PLCH1: variants seen among roughly 807,000 people sequenced by gnomAD.
The protein encoded by PLCH1 is 1-phosphatidylinositol 4,5-bisphosphate phosphodiesterase eta-1.
PLCH1 carries 60 observed loss-of-function variants against 126.7 expected under a neutral mutation model. The observed-to-expected ratio is 0.47, with a 90% CI of 0.38 to 0.59. PLCH1 has a LOEUF of 0.59. Ranked by LOEUF, PLCH1 falls within the 20% of genes least tolerant of loss-of-function variation. The pLI is 0.00. For missense variants in PLCH1, 1,723 were observed against 2,040.0 expected (o/e 0.84, Z 2.99); for synonymous variants, 719 against 734.9 (o/e 0.98, Z 0.35).
At chr3:155,459,766 G>A (rs1712640802) in intron 21 of PLCH1, among the ~76,000 whole-genome samples, 1 of 152,176 alleles carries the variant, frequency 6.6e-6, no homozygotes, top group East Asian at 1.9e-4. Flanking sequence ...CCAGGTGGAT[G>A]TAATGACCAT....
At chr3:155,721,810 A>T (rs1219930201) in intron 1 of PLCH1, among the ~76,000 whole-genome samples, 1 of 152,112 alleles carries the variant, frequency 6.6e-6, no homozygotes, top group Non-Finnish European at 1.5e-5. Context: ...CACTTTGGGA[A>T]GCCAAGGTGG....
rs553645413 is a variant in PLCH1 at position 155,485,643 on chromosome 3, T to C, written c.2687A>G (p.Asn896Ser). The change falls in exon 22 of 23, where the codon AAT becomes AGT. Residue 896 changes from asparagine to serine, a missense_variant. By Grantham distance (46) the Asn-to-Ser change is conservative. Around this residue, in one of 2 missense-constraint regions of PLCH1, gnomAD observed 947 missense variants for 977.1 expected, o/e 0.97. Coordinates refer to ENST00000460012, the MANE Select transcript of PLCH1 (RefSeq NM_014996.4). Reference sequence around the variant, plus strand: ...GGATCGCTTCCGTACATAATGGGAATTGTTTTCTGAAGAACTGTGCCTAGG... The same window carrying C: ...GGATCGCTTCCGTACATAATGGGAACTGTTTTCTGAAGAACTGTGCCTAGG... Reference protein sequence around the residue: ...KNPRHSSSENNSHYVRKRSIG... With the variant: ...KNPRHSSSENSSHYVRKRSIG... The C allele has an allele frequency of 2.5e-6, 4 of 1,610,752 alleles. No homozygotes were observed. The Admixed American group carries it at 6.7e-5, about 27-fold the overall frequency.
downstream of PLCH1, among the ~76,000 whole-genome samples, chr3:155,479,535 T>C (rs1407443097): frequency 6.6e-6 from 1 of 151,948 alleles, no homozygotes; most frequent in Admixed American, 6.6e-5. Context: ...CTCACTTGCC[T>C]TCCCCACGTA....
At chr3:155,499,097 A>G (rs759820274) in intron 14 of PLCH1, among the ~76,000 whole-genome samples, 1 of 152,234 alleles carries the variant, frequency 6.6e-6, no homozygotes, top group Non-Finnish European at 1.5e-5. Flanking sequence ...CTTTTCGGTT[A>G]TAAGTATCAT....
intron 21 of PLCH1, among the ~76,000 whole-genome samples, chr3:155,452,375 A>C (rs1391079036): frequency 2.6e-5 from 4 of 152,178 alleles, no homozygotes; most frequent in African/African-American, 4.8e-5. Flanking sequence ...GTATAATTCA[A>C]GGTGAGATTT....
In PLCH1 at chr3:155,583,483, C is replaced by T. The variant is rs1186118245; in HGVS notation, c.760G>A (p.Val254Met). ...CAGTCTAATGATACCTTTTGCTCCA[C>T]CTTCAAAAACTGAGCCAGTTCTTCC... ...TVEELAQFLKVEQKMNNVTTD... is the reference protein window; with the variant it reads ...TVEELAQFLKMEQKMNNVTTD... Residue 254 changes from valine to methionine, a missense_variant, in exon 6 of 23, where the codon GTG (valine) becomes ATG (methionine). Val to Met is a conservative substitution (Grantham distance 21, BLOSUM62 1). This residue lies in a region of PLCH1 where 776 missense variants were observed against 1,062.9 expected (regional missense o/e 0.73). Coordinates refer to ENST00000460012, the MANE Select transcript of PLCH1 (RefSeq NM_014996.4). The T allele has an allele frequency of 3.7e-6, 6 of 1,602,536 alleles. No individual in the cohort carries two copies. The Middle Eastern group carries it at 8.6e-4, about 229-fold the overall frequency.
At chr3:155,530,127 A>G (rs891587570) in intron 10 of PLCH1, among the ~76,000 whole-genome samples, 5 of 152,174 alleles carry the variant, frequency 3.3e-5, no homozygotes. Context: ...ATTTCTCTGC[A>G]GCATGTGATG....
intron 2 of PLCH1, among the ~76,000 whole-genome samples, chr3:155,636,839 A>T (rs1216207051): frequency 6.6e-6 from 1 of 152,218 alleles, no homozygotes; most frequent in Non-Finnish European, 1.5e-5. Context: ...AAGTATGCTT[A>T]TCTCACATAA....
At chr3:155,553,566 A>G (rs540466972) in intron 9 of PLCH1, among the ~76,000 whole-genome samples, 2 of 152,344 alleles carry the variant, frequency 1.3e-5, no homozygotes, top group Non-Finnish European at 2.9e-5. Flanking sequence ...AGTACAAAAA[A>G]AAGAGATTGA....
At chr3:155,692,638 G>A (rs1745481019) in intron 2 of PLCH1, among the ~76,000 whole-genome samples, 1 of 152,064 alleles carries the variant, frequency 6.6e-6, no homozygotes, top group African/African-American at 2.4e-5. Flanking sequence ...CCTGCTTCTT[G>A]GGAATACCTT....
At chr3:155,552,776 T>C (rs1487549575) in intron 9 of PLCH1, among the ~76,000 whole-genome samples, 1 of 152,194 alleles carries the variant, frequency 6.6e-6, no homozygotes, top group African/African-American at 2.4e-5. Context: ...ACCATGCTCA[T>C]ATTTCAGAAA....
chr3:155,567,860 G>T (rs1728717178), intron 7 of PLCH1, among the ~76,000 whole-genome samples: 1 of 152,106 alleles, frequency 6.6e-6, no homozygotes, highest in African/African-American at 2.4e-5. Context: ...AAGGAAACAT[G>T]GCAAGTCACT....
chr3:155,591,021 T>C (rs982280670), intron 4 of PLCH1, among the ~76,000 whole-genome samples: 3 of 152,194 alleles, frequency 2.0e-5, no homozygotes, highest in Non-Finnish European at 4.4e-5. Flanking sequence ...CCATAGACTA[T>C]GAAAACTTTC....
intron 2 of PLCH1, among the ~76,000 whole-genome samples, chr3:155,624,548 A>G (rs1404161711): frequency 1.3e-5 from 2 of 152,246 alleles, no homozygotes; most frequent in Non-Finnish European, 2.9e-5. Context: ...CAACTTCAGC[A>G]AAGTCTCAGG....
chr3:155,595,064 A>C (rs1386614043), intron 3 of PLCH1, among the ~76,000 whole-genome samples: 4 of 152,230 alleles, frequency 2.6e-5, no homozygotes, highest in African/African-American at 9.6e-5. Context: ...GGAGAGGCAG[A>C]AACAGATATA....
intron 2 of PLCH1, among the ~76,000 whole-genome samples, chr3:155,656,174 C>CG (rs927301993): frequency 2.0e-5 from 3 of 151,124 alleles, no homozygotes; most frequent in Admixed American, 6.6e-5. Context: ...TTACCCCCCC[C>CG]CAAATAAAAA....
chr3:155,529,964 A>C (rs1722455237), intron 10 of PLCH1, among the ~76,000 whole-genome samples: 1 of 152,004 alleles, frequency 6.6e-6, no homozygotes, highest in South Asian at 2.1e-4. Context: ...ATGGGGTTTT[A>C]CCATGTTGGT....
At chr3:155,469,593 C>A (rs559512988) in intron 21 of PLCH1, among the ~76,000 whole-genome samples, 1 of 152,234 alleles carries the variant, frequency 6.6e-6, no homozygotes, top group Non-Finnish European at 1.5e-5. Context: ...GGAGGCCTGC[C>A]TGCATCTGTA....
downstream of PLCH1, among the ~76,000 whole-genome samples, chr3:155,476,529 C>G (rs1167407892): frequency 6.6e-6 from 1 of 151,976 alleles, no homozygotes; most frequent in African/African-American, 2.4e-5. Flanking sequence ...ATGATATGAT[C>G]TTATATTTAG....
Sources: allele counts gnomAD v4.1 joint callset (sites outside exome capture counted in the v4.1 genomes callset), GRCh38; gene constraint gnomAD v4.1.1; regional missense constraint gnomAD v4.1.1; transcripts MANE v1.5; gene names NCBI Gene and HGNC (gene_info 2026-07-23, HGNC 2026-07-21).